The following MTAP variants were observed in gnomAD, a reference collection of about 807,000 sequenced individuals.
MTAP encodes the protein S-methyl-5'-thioadenosine phosphorylase.
In MTAP, 33 loss-of-function variants were observed where a neutral mutation model predicts 33.6. That is an observed-to-expected ratio of 0.98 (90% CI 0.74 to 1.31). The LOEUF (loss-of-function observed/expected upper bound fraction) is 1.31. MTAP is among the 40% of genes most tolerant of loss of function. The pLI is 0.00. For missense variants in MTAP, 367 were observed against 360.0 expected (o/e 1.02, Z -0.16); for synonymous variants, 148 against 125.7 (o/e 1.18, Z -1.19).
chr9:21,936,558 T>A (rs899452181), exon 8 of MTAP: 1 of 152,252 alleles, frequency 6.6e-6, no homozygotes, highest in Non-Finnish European at 1.5e-5. Flanking sequence ...TAAGTTAATC[T>A]ACTTTTGGTT....
intron 1 of MTAP, among the ~76,000 whole-genome samples, chr9:21,878,204 T>C (rs1473940250): frequency 6.6e-6 from 1 of 152,074 alleles, no homozygotes; most frequent in Non-Finnish European, 1.5e-5. Context: ...TGGTAATGTC[T>C]CCTTTGTCAT....
At chr9:21,802,826 C>T in intron 1 of MTAP, 45 bp downstream of exon 1, 1 of 1,608,634 alleles carries the variant, frequency 6.2e-7, no homozygotes, top group Non-Finnish European at 8.5e-7. Flanking sequence ...CTGCCGGATG[C>T]CTTCTCGCCC....
At chr9:21,804,749 A>G (rs1177763168) in intron 1 of MTAP, among the ~76,000 whole-genome samples, 1 of 152,250 alleles carries the variant, frequency 6.6e-6, no homozygotes, top group Non-Finnish European at 1.5e-5. Flanking sequence ...AAGACCATCC[A>G]TATAGCCACA....
chr9:21,853,363 GTTAA>G (rs1312029320), intron 5 of MTAP, among the ~76,000 whole-genome samples: 1 of 152,164 alleles, frequency 6.6e-6, no homozygotes, highest in Non-Finnish European at 1.5e-5. Flanking sequence ...AGGGAAAAGT[GTTAA>G]TTAAGCATAA....
downstream of MTAP, chr9:21,932,648 C>T (rs1447188560): frequency 2.0e-5 from 3 of 152,128 alleles, no homozygotes; most frequent in Admixed American, 6.6e-5. Context: ...GCAGCAAGGA[C>T]TTATTGCCTA....
In MTAP at chr9:21,863,071, C is replaced by T; in HGVS notation, c.*1057C>T. ...AAGAAGAGGATCATTGATTTCTGTA[C>T]AGTCAGAACAGTACTTGGGTTTGCA... On this transcript the variant is annotated 3_prime_UTR_variant, in exon 8 of 8. Coordinates refer to ENST00000644715, the MANE Select transcript of MTAP (RefSeq NM_002451.4). 1.0e-6 allele frequency: 1 copy of T among 985,326 alleles called. No homozygotes were observed. The highest frequency in any genetic ancestry group is 4.7e-5 in the South Asian group (1 of 21,286). 61.0% of individuals were successfully genotyped at this position (985,326 alleles called of 1,614,324 possible).
intron 4 of MTAP, among the ~76,000 whole-genome samples, chr9:21,818,728 G>C (rs1014536679): frequency 2.6e-5 from 4 of 152,156 alleles, no homozygotes; most frequent in African/African-American, 9.7e-5. Flanking sequence ...TGTATGCATT[G>C]TACAATGATT....
At chr9:21,906,384 C>A (rs1212198713) in intron 1 of MTAP, among the ~76,000 whole-genome samples, 2 of 151,972 alleles carry the variant, frequency 1.3e-5, no homozygotes, top group South Asian at 2.1e-4. Context: ...AAACGTCAGA[C>A]TGAACACAAC....
chr9:21,933,159 A>T (rs1818989622), downstream of MTAP: 1 of 152,216 alleles, frequency 6.6e-6, no homozygotes, highest in South Asian at 2.1e-4. Context: ...CTATTTATTC[A>T]TGGGCACCAT....
At chr9:21,938,294 G>T (rs1365615142), downstream of MTAP, among the ~76,000 whole-genome samples, 1 of 149,112 alleles carries the variant, frequency 6.7e-6, no homozygotes, top group Non-Finnish European at 1.5e-5. Context: ...AAAAAAATTA[G>T]CCTAACATGG....
downstream of MTAP, chr9:21,931,261 G>T: frequency 1.6e-6 from 1 of 619,650 alleles, no homozygotes; most frequent in African/African-American, 1.8e-5. Context: ...AGCAGTTACA[G>T]AAGACTGACC....
At chr9:21,860,183 G>A (rs2118559885) in intron 7 of MTAP, 1 of 152,316 alleles carries the variant, frequency 6.6e-6, no homozygotes, top group Middle Eastern at 3.4e-3. Context: ...TGTAATGAGA[G>A]AGCCACAGTT....
intron 6 of MTAP, chr9:21,856,170 G>A: frequency 1.0e-6 from 1 of 985,388 alleles, no homozygotes. Context: ...CAAAACTGCA[G>A]TCACTTTTGA....
At chr9:21,840,645 G>A (rs1474381202) in intron 5 of MTAP, among the ~76,000 whole-genome samples, 1 of 152,212 alleles carries the variant, frequency 6.6e-6, no homozygotes, top group Non-Finnish European at 1.5e-5. Flanking sequence ...ATATCTCACA[G>A]TGGCCCTCAG....
rs1055767410 is a variant in MTAP, at chr9:21,922,651, C to G, written c.148-8357C>G. ...AGTGGTAAGAAATCTCTATGCCTCT[C>G]CTTCTTTGGCTGGAGAAGAAGGAGA... On this transcript the variant is annotated intron_variant, in intron 1 of 1. Coordinates refer to the MTAP transcript ENST00000577563. This position sits in a 1 kb window ranked among gnomAD's most constrained non-coding sequence, Gnocchi z 4.8. Among the ~76,000 whole-genome samples, 2 of 152,122 alleles carry G rather than the reference C, an allele frequency of 1.3e-5. No homozygotes were observed. The highest frequency in any genetic ancestry group is 2.4e-5 in the African/African-American group (1 of 41,430).
At chr9:21,872,410 G>T (rs1412245989) in intron 1 of MTAP, among the ~76,000 whole-genome samples, 1 of 152,130 alleles carries the variant, frequency 6.6e-6, no homozygotes, top group Non-Finnish European at 1.5e-5. Flanking sequence ...CTTCCCGAAT[G>T]ACCTTATCTA....
At chr9:21,903,779 A>G (rs1290588320) in intron 1 of MTAP, among the ~76,000 whole-genome samples, 1 of 152,102 alleles carries the variant, frequency 6.6e-6, no homozygotes, top group Admixed American at 6.6e-5. Flanking sequence ...CAGGTTGCGG[A>G]GCTCCGACCC....
intron 1 of MTAP, among the ~76,000 whole-genome samples, chr9:21,810,722 C>T (rs569030467): frequency 2.6e-5 from 4 of 152,316 alleles, no homozygotes; most frequent in South Asian, 2.1e-4. Context: ...TCTTTAAAAA[C>T]GGCAAATACA....
intron 5 of MTAP, among the ~76,000 whole-genome samples, chr9:21,847,810 A>G (rs527617950): frequency 6.4e-4 from 97 of 152,330 alleles, no homozygotes; most frequent in Non-Finnish European, 1.0e-3. Context: ...AAGAGCTGAA[A>G]TTGTGGAAAA....
Sources: allele counts gnomAD v4.1 joint callset (sites outside exome capture counted in the v4.1 genomes callset), GRCh38; gene constraint gnomAD v4.1.1; non-coding constraint Gnocchi (gnomAD v3.1); transcripts MANE v1.5; gene names NCBI Gene and HGNC (gene_info 2026-07-23, HGNC 2026-07-21).